The following NKAIN2 variants were observed in gnomAD, a reference collection of about 807,000 sequenced individuals.
NKAIN2 encodes the protein sodium/potassium-transporting ATPase subunit beta-1-interacting protein 2.
NKAIN2 carries 14 observed loss-of-function variants against 32.6 expected under a neutral mutation model. The observed-to-expected ratio is 0.43, with a 90% CI of 0.28 to 0.67. The LOEUF is 0.67. NKAIN2 is among the 30% of genes least tolerant of loss of function. NKAIN2 has a pLI of 0.17. For missense variants in NKAIN2, 198 were observed against 258.3 expected (o/e 0.77, Z 1.60); for synonymous variants, 80 against 87.2 (o/e 0.92, Z 0.46).
chr6:124,589,967 C>T (rs1355652037), intron 3 of NKAIN2, among the ~76,000 whole-genome samples: 1 of 152,038 alleles, frequency 6.6e-6, no homozygotes, highest in Non-Finnish European at 1.5e-5. Flanking sequence ...AATGTTCCCT[C>T]AATATGCAGC....
intron 1 of NKAIN2, among the ~76,000 whole-genome samples, chr6:123,866,639 C>T (rs1772531001): frequency 1.3e-5 from 2 of 152,176 alleles, no homozygotes; most frequent in South Asian, 4.2e-4. Context: ...ACCGCGTTAG[C>T]CAGGATGGTC....
At chr6:124,038,508 C>T (rs1184453948) in intron 1 of NKAIN2, among the ~76,000 whole-genome samples, 5 of 152,146 alleles carry the variant, frequency 3.3e-5, no homozygotes, top group African/African-American at 7.2e-5. Flanking sequence ...CCACTATGTC[C>T]GGCCTATGTG....
At chr6:124,261,980 C>A (rs1325496156) in intron 1 of NKAIN2, among the ~76,000 whole-genome samples, 1 of 151,816 alleles carries the variant, frequency 6.6e-6, no homozygotes, top group African/African-American at 2.4e-5. Flanking sequence ...CCAGTAAGTA[C>A]CTATGTTAGT....
intron 1 of NKAIN2, among the ~76,000 whole-genome samples, chr6:123,855,681 G>T (rs1425924008): frequency 6.6e-6 from 1 of 152,200 alleles, no homozygotes; most frequent in Admixed American, 6.5e-5. Flanking sequence ...AGACAGATAT[G>T]CTGGTGTTTT....
chr6:124,711,254 G>T (rs1415972625), intron 4 of NKAIN2, among the ~76,000 whole-genome samples: 33 of 93,690 alleles, frequency 3.5e-4, no homozygotes, highest in Admixed American at 1.1e-3. Flanking sequence ...CTCTCTGGCT[G>T]CGCTTAACAT....
At chr6:124,149,036 T>G (rs2114379797) in intron 1 of NKAIN2, among the ~76,000 whole-genome samples, 1 of 152,304 alleles carries the variant, frequency 6.6e-6, no homozygotes, top group Non-Finnish European at 1.5e-5. Context: ...TCATTTTGTT[T>G]TGCATTTCCC....
intron 1 of NKAIN2, among the ~76,000 whole-genome samples, chr6:123,867,802 G>A (rs936609232): frequency 6.6e-6 from 1 of 150,818 alleles, no homozygotes; most frequent in African/African-American, 2.4e-5. Context: ...GATTGCTATT[G>A]AAATGAAAGC....
chr6:124,645,003 A>G (rs1784119030), intron 3 of NKAIN2, among the ~76,000 whole-genome samples: 3 of 152,238 alleles, frequency 2.0e-5, no homozygotes, highest in Admixed American at 1.3e-4. Context: ...AGTATAAAAT[A>G]ATACCAGAAA....
intron 5 of NKAIN2, among the ~76,000 whole-genome samples, chr6:124,793,125 G>A (rs567345961): frequency 9.9e-5 from 15 of 152,178 alleles, no homozygotes; most frequent in East Asian, 9.7e-4. Context: ...GAGACATGCC[G>A]AAATGACATG....
rs962663410 is a variant in NKAIN2, at chr6:123,964,961, A to T, written c.54+160707A>T. On this transcript the variant is annotated intron_variant, in intron 1 of 6. Transcript: ENST00000368417. The surrounding 1 kb of genome is among the most constrained non-coding windows in gnomAD (Gnocchi z 4.0). ...CCTATTTAAGCCCTTGCTTAAATTG[A>T]TTGCCCAGGTAAACATTTTTCCTGG... Among the ~76,000 whole-genome samples the T allele has an allele frequency of 2.0e-5, 3 of 152,000 alleles. No individual in the cohort carries two copies. In the South Asian group the frequency reaches 6.2e-4, roughly 32 times the overall value.
chr6:124,279,481 A>C (rs1431630066), intron 1 of NKAIN2, among the ~76,000 whole-genome samples: 2 of 149,082 alleles, frequency 1.3e-5, no homozygotes, highest in Non-Finnish European at 3.0e-5. Flanking sequence ...CACTCCATCC[A>C]GCCTGGACAA....
chr6:124,585,365 G>A (rs1302826829), intron 3 of NKAIN2, among the ~76,000 whole-genome samples: 7 of 152,064 alleles, frequency 4.6e-5, no homozygotes, highest in Non-Finnish European at 8.8e-5. Context: ...ACAAAAATAC[G>A]GTGAGATAGA....
chr6:123,863,124 A>G (rs1775851195), intron 1 of NKAIN2, among the ~76,000 whole-genome samples: 1 of 152,238 alleles, frequency 6.6e-6, no homozygotes. Context: ...AGGAAGCATC[A>G]GAGCCACAGA....
At chr6:124,804,536 C>T (rs1434863392) in intron 5 of NKAIN2, 4 of 376,308 alleles carry the variant, frequency 1.1e-5, no homozygotes, top group African/African-American at 4.4e-5. Context: ...ACAGGAACAG[C>T]TCCGGTCTAC....
intron 1 of NKAIN2, among the ~76,000 whole-genome samples, chr6:124,231,758 C>G (rs1172786608): frequency 6.6e-6 from 1 of 152,092 alleles, no homozygotes; most frequent in African/African-American, 2.4e-5. Flanking sequence ...GTTCATTAAA[C>G]CTCTTTTTCT....
chr6:124,394,709 T>C (rs1445468927), intron 3 of NKAIN2, among the ~76,000 whole-genome samples: 1 of 151,672 alleles, frequency 6.6e-6, no homozygotes, highest in Non-Finnish European at 1.5e-5. Context: ...AATTCAGCCT[T>C]TTTGTTCTAT....
intron 1 of NKAIN2, among the ~76,000 whole-genome samples, chr6:123,849,970 G>GTTTTTTTTTTT (rs1273384852): frequency 1.0e-4 from 8 of 76,906 alleles, no homozygotes; most frequent in African/African-American, 3.9e-4. Context: ...TTGTTTGTTT[G>GTTTTTTTTTTT]TTTTTTTTTT....
intron 3 of NKAIN2, among the ~76,000 whole-genome samples, chr6:124,419,368 C>G (rs950374538): frequency 6.6e-6 from 1 of 152,148 alleles, no homozygotes; most frequent in Non-Finnish European, 1.5e-5. Flanking sequence ...AACACCAGAT[C>G]TGTCATGACA....
chr6:123,996,384 T>C (rs1779621588), intron 1 of NKAIN2, among the ~76,000 whole-genome samples: 3 of 51,834 alleles, frequency 5.8e-5, no homozygotes, highest in South Asian at 4.7e-4. Flanking sequence ...TAATATGTGA[T>C]TGTACTCCCA....
Sources: gnomAD v4.1 joint callset for allele counts (sites outside exome capture counted in the v4.1 genomes callset) on GRCh38, gnomAD v4.1.1 for gene constraint, Gnocchi (gnomAD v3.1) non-coding constraint, MANE v1.5 for transcripts, NCBI Gene and HGNC (gene_info 2026-07-23, HGNC 2026-07-21) for gene names.